CCDC152: variants seen among roughly 807,000 people sequenced by gnomAD.
CCDC152 encodes the protein coiled-coil domain-containing protein 152.
Under a neutral mutation model 38.1 loss-of-function variants are expected in CCDC152, and 37 were observed. That is an observed-to-expected ratio of 0.97 (90% CI 0.75 to 1.28). The LOEUF (loss-of-function observed/expected upper bound fraction) is 1.28. CCDC152 is among the 50% of genes most tolerant of loss of function. The pLI is 0.00. For synonymous variants in CCDC152, 83 were observed against 87.1 expected, an observed-to-expected ratio of 0.95 and a Z score of 0.26; for missense variants, 259 against 292.1, an observed-to-expected ratio of 0.89 and a Z score of 0.83.
intron 3 of CCDC152, among the ~76,000 whole-genome samples, chr5:42,764,969 G>T (rs1032122878): frequency 6.6e-6 from 1 of 152,144 alleles, no homozygotes; most frequent in Non-Finnish European, 1.5e-5. Flanking sequence ...AAATTGGAAA[G>T]GAAGAAGTCA....
chr5:42,799,638 C>T, intron 8 of CCDC152, 21 bp from the exon 9 acceptor site: 1 of 1,515,820 alleles, frequency 6.6e-7, no homozygotes, highest in Non-Finnish European at 8.9e-7. Flanking sequence ...ATTCTAATAA[C>T]AAATTTTTTG....
intron 6 of CCDC152, among the ~76,000 whole-genome samples, chr5:42,795,343 A>T (rs1273141087): frequency 1.3e-5 from 2 of 152,216 alleles, no homozygotes; most frequent in Non-Finnish European, 2.9e-5. Context: ...TTGATTTACC[A>T]GGGAAATAAA....
At chr5:42,798,785 C>CAA (rs28918072) in intron 7 of CCDC152, among the ~76,000 whole-genome samples, 4 of 151,004 alleles carry the variant, frequency 2.6e-5, no homozygotes, top group East Asian at 1.9e-4. Flanking sequence ...TGTGCAAAAA[C>CAA]AAAAAAAAAT....
intron 4 of CCDC152, among the ~76,000 whole-genome samples, chr5:42,779,214 C>A (rs2111562538): frequency 6.6e-6 from 1 of 152,168 alleles, no homozygotes; most frequent in Middle Eastern, 3.4e-3. Flanking sequence ...CATTAAAGAG[C>A]AATTATCATA....
intron 3 of CCDC152, among the ~76,000 whole-genome samples, chr5:42,765,656 A>C (rs1162941520): frequency 6.6e-6 from 1 of 152,214 alleles, no homozygotes; most frequent in Non-Finnish European, 1.5e-5. Flanking sequence ...AAGAACATAC[A>C]CTGGGGAAAA....
Position 42,783,575 on chromosome 5 carries a change from A to C in CCDC152, c.429A>C (p.Lys143Asn), listed in dbSNP as rs999917503. The change falls in exon 6 of 9, where the codon AAA becomes AAC. Residue 143 changes from lysine to asparagine, a missense_variant and splice_region_variant. By Grantham distance (94) the Lys-to-Asn change is moderately conservative (BLOSUM62 0). Transcript: ENST00000361970. ...ISKLYQDMQRKVELNEEKHKE... is the reference protein window; with the variant it reads ...ISKLYQDMQRNVELNEEKHKE... ...AACTTTATCAGGACATGCAGAGAAA[A>C]GGTAAGTTTAAAATAAACTTGCTTT... 110 of 1,345,594 alleles carry C rather than the reference A, an allele frequency of 8.2e-5. No individual in the cohort carries two copies. The highest frequency in any genetic ancestry group is 1.0e-4 in the Non-Finnish European group (104 of 1,036,584). The allele number at this position is 1,345,594 out of a possible 1,614,324, so 83.4% of individuals were successfully genotyped here.
chr5:42,783,715 G>A (rs1221470981), intron 6 of CCDC152, 139 bp downstream of exon 6: 1 of 288,414 alleles, frequency 3.5e-6, no homozygotes, highest in African/African-American at 2.2e-5. Flanking sequence ...ATAACTCGTG[G>A]TAGATCATTT....
chr5:42,769,543 A>T, intron 3 of CCDC152, 54 bp from the exon 4 acceptor site: 1 of 1,409,900 alleles, frequency 7.1e-7, no homozygotes, highest in Admixed American at 3.1e-5. Context: ...CTGAGAGAAT[A>T]ATTCCAAAAT....
intron 4 of CCDC152, among the ~76,000 whole-genome samples, chr5:42,774,606 G>A (rs1759746958): frequency 6.6e-6 from 1 of 152,168 alleles, no homozygotes; most frequent in South Asian, 2.1e-4. Flanking sequence ...TAAGAAGCAT[G>A]TGGGTAACTC....
intron 6 of CCDC152, among the ~76,000 whole-genome samples, chr5:42,789,143 C>A (rs1026941136): frequency 1.3e-5 from 2 of 152,228 alleles, no homozygotes; most frequent in African/African-American, 2.4e-5. Flanking sequence ...AGTAGTTTGG[C>A]AGTCAGCAGA....
intron 2 of CCDC152, among the ~76,000 whole-genome samples, chr5:42,760,303 C>CAAAAAA: frequency 9.5e-6 from 1 of 105,812 alleles, no homozygotes; most frequent in Non-Finnish European, 1.9e-5. Flanking sequence ...GACTCCGTCT[C>CAAAAAA]AAAAAAAAAA....
At chr5:42,782,482 G>T (rs1317911201) in intron 5 of CCDC152, among the ~76,000 whole-genome samples, 2 of 152,048 alleles carry the variant, frequency 1.3e-5, no homozygotes, top group African/African-American at 4.8e-5. Flanking sequence ...TCTTTCTTAT[G>T]GAATTCATGA....
chr5:42,799,290 C>A (rs1407819831), intron 7 of CCDC152, 85 bp from the exon 8 acceptor site: 4 of 680,566 alleles, frequency 5.9e-6, no homozygotes, highest in Non-Finnish European at 9.8e-6. Flanking sequence ...GATTACATGT[C>A]AAAGGATAAC....
At chr5:42,793,350 G>A (rs911933710) in intron 6 of CCDC152, among the ~76,000 whole-genome samples, 5 of 152,098 alleles carry the variant, frequency 3.3e-5, no homozygotes, top group Admixed American at 6.6e-5. Context: ...TTACCTGATC[G>A]TGGTGATGGT....
chr5:42,772,568 T>C (rs1175203551), intron 4 of CCDC152, among the ~76,000 whole-genome samples: 2 of 149,918 alleles, frequency 1.3e-5, no homozygotes, highest in African/African-American at 4.9e-5. Flanking sequence ...GGAAAATCAC[T>C]TGAACCAGGG....
intron 7 of CCDC152, among the ~76,000 whole-genome samples, chr5:42,798,164 G>A (rs1345055965): frequency 6.6e-6 from 1 of 151,978 alleles, no homozygotes; most frequent in African/African-American, 2.4e-5. Context: ...TAAACAAACA[G>A]TCTTGAGTAG....
intron 1 of CCDC152, among the ~76,000 whole-genome samples, chr5:42,758,446 A>T (rs1759509448): frequency 6.6e-6 from 1 of 152,208 alleles, no homozygotes; most frequent in Admixed American, 6.5e-5. Context: ...TCTTTGCTAT[A>T]GAAAAATCTA....
intron 6 of CCDC152, among the ~76,000 whole-genome samples, chr5:42,794,281 A>G (rs1760045011): frequency 6.6e-6 from 1 of 152,148 alleles, no homozygotes; most frequent in Non-Finnish European, 1.5e-5. Flanking sequence ...TGGAATTTGC[A>G]TCTTTCTTAT....
At chr5:42,778,595 T>C (rs1759798853) in intron 4 of CCDC152, among the ~76,000 whole-genome samples, 1 of 152,098 alleles carries the variant, frequency 6.6e-6, no homozygotes, top group Non-Finnish European at 1.5e-5. Flanking sequence ...AAGAAAAGGC[T>C]CCCCCTTTCT....
Sources: allele counts gnomAD v4.1 joint callset (sites outside exome capture counted in the v4.1 genomes callset), GRCh38; gene constraint gnomAD v4.1.1; transcripts MANE v1.5; gene names NCBI Gene and HGNC (gene_info 2026-07-23, HGNC 2026-07-21).